TBC1D5: variants seen among roughly 807,000 people sequenced by gnomAD.
TBC1D5 encodes the protein TBC1 domain family member 5.
Under a neutral mutation model 100.3 loss-of-function variants are expected in TBC1D5, and 75 were observed. That is an observed-to-expected ratio of 0.75 (90% CI 0.62 to 0.91). The LOEUF (loss-of-function observed/expected upper bound fraction) is 0.91. Ranked by LOEUF, TBC1D5 falls within the 40% of genes least tolerant of loss-of-function variation. The probability of loss-of-function intolerance (pLI) is 0.00; values close to 1 mark genes in which losing one functional copy is unlikely to be tolerated. For missense variants in TBC1D5, 910 were observed against 942.4 expected (o/e 0.97, Z 0.45); for synonymous variants, 323 against 325.6 (o/e 0.99, Z 0.09).
chr3:17,659,210 T>C (rs371413487), intron 1 of TBC1D5, among the ~76,000 whole-genome samples: 1 of 152,136 alleles, frequency 6.6e-6, no homozygotes, highest in Admixed American at 6.5e-5. Flanking sequence ...GCTTTAAAAA[T>C]AGAACGAGTG....
intron 1 of TBC1D5, among the ~76,000 whole-genome samples, chr3:17,649,964 T>TA (rs1234732362): frequency 6.6e-6 from 1 of 151,916 alleles, no homozygotes. Flanking sequence ...TATGCAGCCA[T>TA]AAAAAAGGAT....
intron 13 of TBC1D5, among the ~76,000 whole-genome samples, chr3:17,329,816 C>T (rs1342563903): frequency 1.3e-5 from 2 of 152,306 alleles, no homozygotes; most frequent in African/African-American, 2.4e-5. Flanking sequence ...AAGATAAGAA[C>T]TAGTACTTTG....
chr3:17,602,236 TGTG>T (rs1490366048), intron 2 of TBC1D5, among the ~76,000 whole-genome samples: 10 of 152,160 alleles, frequency 6.6e-5, no homozygotes, highest in Admixed American at 5.9e-4. Context: ...TCAAAACCCA[TGTG>T]GTGAATTAAA....
chr3:17,675,425 C>A (rs1390516514), intron 1 of TBC1D5, among the ~76,000 whole-genome samples: 1 of 152,070 alleles, frequency 6.6e-6, no homozygotes, highest in Non-Finnish European at 1.5e-5. Context: ...TCCTATCCTC[C>A]TAATCCTTAC....
At chr3:17,544,901 C>T (rs115675992) in intron 2 of TBC1D5, among the ~76,000 whole-genome samples, 468 of 152,174 alleles carry the variant, frequency 3.1e-3, no homozygotes, top group African/African-American at 0.011. Context: ...AACTACATCA[C>T]GTGGCATTAA....
chr3:17,188,371 C>T (rs2069416618), intron 18 of TBC1D5, among the ~76,000 whole-genome samples: 1 of 152,230 alleles, frequency 6.6e-6, no homozygotes, highest in South Asian at 2.1e-4. Flanking sequence ...TTGATACAAA[C>T]AGAATCTGTT....
At chr3:17,366,383 AAATAT>A (rs2092130889) in intron 13 of TBC1D5, among the ~76,000 whole-genome samples, 1 of 152,180 alleles carries the variant, frequency 6.6e-6, no homozygotes, top group Non-Finnish European at 1.5e-5. Flanking sequence ...AGGAAATAAT[AAATAT>A]AATAAATTAT....
At chr3:17,515,420 C>T (rs1005542037) in intron 2 of TBC1D5, among the ~76,000 whole-genome samples, 44 of 152,300 alleles carry the variant, frequency 2.9e-4, no homozygotes, top group African/African-American at 1.0e-3. Context: ...GCAGCAAACA[C>T]ATAGCACTTA....
At chr3:17,484,805 A>C (rs962708991) in intron 3 of TBC1D5, among the ~76,000 whole-genome samples, 9 of 152,102 alleles carry the variant, frequency 5.9e-5, no homozygotes, top group Non-Finnish European at 7.4e-5. Context: ...TATATATGCT[A>C]CCATAGACTT....
chr3:17,531,976 T>C (rs1320403722), intron 2 of TBC1D5, among the ~76,000 whole-genome samples: 1 of 152,086 alleles, frequency 6.6e-6, no homozygotes, highest in African/African-American at 2.4e-5. Flanking sequence ...AAAGCCAAAA[T>C]TGACAAATGG....
At chr3:17,312,977 C>T (rs772052504) in intron 13 of TBC1D5, among the ~76,000 whole-genome samples, 1 of 152,120 alleles carries the variant, frequency 6.6e-6, no homozygotes, top group Non-Finnish European at 1.5e-5. Context: ...AGATGTATGC[C>T]TGCTATTTGG....
chr3:17,664,254 T>C (rs983750893), intron 1 of TBC1D5, among the ~76,000 whole-genome samples: 1 of 152,106 alleles, frequency 6.6e-6, no homozygotes, highest in African/African-American at 2.4e-5. Flanking sequence ...GTATTTTTAA[T>C]AGAGACGGGG....
At chr3:17,714,816 A>G (rs995519375) in intron 1 of TBC1D5, among the ~76,000 whole-genome samples, 1 of 152,096 alleles carries the variant, frequency 6.6e-6, no homozygotes, top group Admixed American at 6.6e-5. Context: ...TAAAAACAAA[A>G]TGTACTGTTA....
intron 1 of TBC1D5, among the ~76,000 whole-genome samples, chr3:17,695,959 A>G (rs575577339): frequency 1.3e-5 from 2 of 152,302 alleles, no homozygotes; most frequent in South Asian, 2.1e-4. Flanking sequence ...AAAACCACAC[A>G]CTACTACATG....
intron 18 of TBC1D5, among the ~76,000 whole-genome samples, chr3:17,191,702 T>A (rs866529113): frequency 1.3e-5 from 2 of 152,176 alleles, no homozygotes; most frequent in Middle Eastern, 3.4e-3. Flanking sequence ...CTGCAACCTC[T>A]GCCTCCCACG....
At chr3:17,195,670 T>A (rs1365868189) in intron 18 of TBC1D5, among the ~76,000 whole-genome samples, 10 of 152,000 alleles carry the variant, frequency 6.6e-5, no homozygotes, top group Admixed American at 6.6e-4. Flanking sequence ...AAATCCAAGC[T>A]GAGGATCAAG....
chr3:17,186,710 CAAAAAAAAAAA>C lies in TBC1D5; in HGVS notation c.1753-1513_1753-1503del, dbSNP rs58438478. Among the ~76,000 whole-genome samples the C allele has an allele frequency of 4.4e-4, 12 of 27,280 alleles. No homozygotes were observed. The South Asian group carries it at 0.031, about 71-fold the overall frequency. 17.9% of individuals were successfully genotyped at this position (27,280 alleles called of 152,430 possible). A position where few individuals can be genotyped will look rare whatever the true frequency, so the allele number is the denominator to read the frequency against. The stretch of plus-strand genomic sequence containing the variant: ...GGGCGACAGAGCAAAACTCTATCTC[CAAAAAAAAAAA>C]AAAAAAAAAAAAAAAAAAAAAAATT... On this transcript the variant is annotated intron_variant, in intron 18 of 21. Transcript: ENST00000253692.
chr3:17,403,274 T>C (rs116602969), intron 7 of TBC1D5, 26 bp from the exon 8 acceptor site: 33,646 of 1,513,482 alleles, frequency 0.022, 647 homozygotes, highest in African/African-American at 0.079. Context: ...CAATCTATTA[T>C]ATAGTCTCAC....
intron 1 of TBC1D5, among the ~76,000 whole-genome samples, chr3:17,673,175 G>A (rs77443246): frequency 6.6e-6 from 1 of 152,034 alleles, no homozygotes. Flanking sequence ...AAACAGGAAA[G>A]ATATAAACCA....
Sources: gnomAD v4.1 joint callset for allele counts (sites outside exome capture counted in the v4.1 genomes callset) on GRCh38, gnomAD v4.1.1 for gene constraint, MANE v1.5 for transcripts, NCBI Gene and HGNC (gene_info 2026-07-23, HGNC 2026-07-21) for gene names.